TTN: variants seen among roughly 807,000 people sequenced by gnomAD.
The protein encoded by TTN is connectin.
A neutral mutation model predicts 3,223.0 loss-of-function variants in TTN; 1,525 were observed. That is an observed-to-expected ratio of 0.47 (90% CI 0.45 to 0.49). The LOEUF (loss-of-function observed/expected upper bound fraction) is 0.49. TTN is among the 20% of genes least tolerant of loss of function. TTN has a pLI of 0.00. For missense variants in TTN, 40,786 were observed against 43,424.0 expected, an observed-to-expected ratio of 0.94 and a Z score of 5.40; for synonymous variants, 14,094 against 15,161.0, an observed-to-expected ratio of 0.93 and a Z score of 5.17.
rs1057518195 is a variant in TTN, at chr2:178,535,790, G to A, written c.100825C>T (p.Arg33609Ter). ...ATCTTGATGCTGACCACTTCACCTC[G>A]GAGAGCATGAACTGCTCCCATGCCT... ...LEGMGAVHAL[R>*]GEVVSIKIPF... The change falls in exon 358 of 363, where the codon CGA becomes TGA. Residue 33609 changes from arginine (R) to a stop codon, truncating the protein, a stop_gained. Transcript: ENST00000589042. LOFTEE classifies it high-confidence loss of function. 3.1e-6 allele frequency: 5 copies of A among 1,612,156 alleles called. No individual in the cohort carries two copies. Among genetic ancestry groups the A allele is most frequent in the Non-Finnish European group, 4.2e-6 (5 of 1,179,496 alleles).
intron 44 of TTN, 41 bp from the exon 45 acceptor site, chr2:178,757,957 C>T (rs374897050): frequency 3.0e-5 from 45 of 1,505,062 alleles, no homozygotes; most frequent in Non-Finnish European, 3.5e-5. Context: ...TTACCTTGCA[C>T]TGAAACCAGA....
chr2:178,550,171 G>A lies in TTN; in HGVS notation c.91667C>T (p.Pro30556Leu). 1.2e-6 allele frequency: 2 copies of A among 1,613,752 alleles called. No homozygotes were observed. Among genetic ancestry groups the A allele is most frequent in the Non-Finnish European group, 1.7e-6 (2 of 1,179,766 alleles). Residue 30556 changes from proline (P) to leucine (L), a missense_variant, in exon 337 of 363, where the codon CCT (proline) becomes CTT (leucine). Transcript: ENST00000589042. ...IKALVQGRPV[P>L]RVTWFKDGVE... ...TCCATCTTTGAACCAAGTTACTCGA[G>A]GCACTGGTCTTCCTTGTACCAAAGC... is the stretch of plus-strand genomic sequence containing the variant.
At position 178,693,994 on chromosome 2, in the gene TTN, T is replaced by C. The variant is rs370208651; in HGVS notation, c.31441A>G (p.Thr10481Ala). The change falls in exon 118 of 363, where the codon ACA becomes GCA. Residue 10481 changes from threonine to alanine, a missense_variant. Coordinates refer to ENST00000589042, the MANE Select transcript of TTN (RefSeq NM_001267550.2). ...TCTTCTGAAATAACCATCTTCTTTG[T>C]ATGCACAGCTGGTACTTTAAAGAGA... ...VIEVKVPAVH[T>A]KKMVISEEKM... is the part of the protein sequence containing the mutation. 7.4e-5 allele frequency: 119 copies of C among 1,611,388 alleles called. No individual in the cohort carries two copies. The highest frequency in any genetic ancestry group is 7.1e-4 in the East Asian group (32 of 44,842).
rs774092000 is a variant in TTN, at chr2:178,565,686, C to T, written c.80446G>A (p.Val26816Ile). ...HDGGSRVLGY[V>I]VEMQPKGTEK... ...GTTCCTTTGGGCTGCATTTCAACAA[C>T]GTACCCCAGGACTCTGCTACCGCCA... The change falls in exon 326 of 363, where the codon GTT becomes ATT. Residue 26816 changes from valine to isoleucine, a missense_variant. By Grantham distance (29) the Val-to-Ile change is conservative. Coordinates refer to ENST00000589042, the MANE Select transcript of TTN (RefSeq NM_001267550.2). 23 of 1,613,496 alleles carry T rather than the reference C, an allele frequency of 1.4e-5. No individual in the cohort carries two copies. The highest frequency in any genetic ancestry group is 1.6e-4 in the Middle Eastern group (1 of 6,080).
chr2:178,794,108 T>C (rs1464363022), intron 8 of TTN, among the ~76,000 whole-genome samples: 1 of 152,236 alleles, frequency 6.6e-6, no homozygotes, highest in Non-Finnish European at 1.5e-5. Context: ...TCTGTTTCTC[T>C]GGCCACTCTT....
chr2:178,738,404 C>T, intron 48 of TTN, 44 bp from the exon 49 acceptor site: 1 of 1,545,872 alleles, frequency 6.5e-7, no homozygotes, highest in Non-Finnish European at 8.7e-7. Flanking sequence ...CCTTATCAGG[C>T]ATATGACATT....
chr2:178,675,483 C>T lies in TTN; in HGVS notation c.34537+188G>A, dbSNP rs185684848. On this transcript the variant is annotated intron_variant, in intron 149 of 362. Coordinates refer to ENST00000589042, the MANE Select transcript of TTN (RefSeq NM_001267550.2). ...TTTAGAAACAACATACATAGAGAAA[C>T]GATGTAAAGCACACCAACACCAAGT... 1.2e-4 allele frequency among the ~76,000 whole-genome samples: 18 copies of T among 151,310 alleles called. 1 individual carries two copies. In the Middle Eastern group the frequency reaches 0.01, roughly 86 times the overall value.
intron 20 of TTN, among the ~76,000 whole-genome samples, chr2:178,781,952 A>G (rs892770449): frequency 4.6e-5 from 7 of 151,824 alleles, no homozygotes; most frequent in African/African-American, 1.7e-4. Flanking sequence ...GTGAAAATCC[A>G]TATTTTCTCT....
In TTN at chr2:178,680,279, T is replaced by A; in HGVS notation, c.33393A>T (p.Arg11131Ser). 1 of 1,612,138 alleles carries A rather than the reference T, an allele frequency of 6.2e-7. No homozygotes were observed. Among genetic ancestry groups the A allele is most frequent in the Non-Finnish European group, 8.5e-7 (1 of 1,179,128 alleles). The change falls in exon 139 of 363, where the codon AGA (arginine) becomes AGT (serine). Residue 11131 changes from arginine to serine, a missense_variant. Arg to Ser is a moderately radical substitution (Grantham distance 110, BLOSUM62 -1). Coordinates refer to ENST00000589042, the MANE Select transcript of TTN (RefSeq NM_001267550.2). ...VVAEEKVPVP[R>S]KEVAPPVRVP... ...CTCTAACAGGTGGTGCTACTTCTTTTCTAGGGACAGGTACTTTTTCTTCTG... is the reference window on the plus strand; with the variant it reads ...CTCTAACAGGTGGTGCTACTTCTTTACTAGGGACAGGTACTTTTTCTTCTG...
At position 178,727,629 on chromosome 2, in the gene TTN, T is replaced by C. The variant is rs751222632; in HGVS notation, c.19949A>G (p.Asn6650Ser). 3.1e-6 allele frequency: 5 copies of C among 1,599,526 alleles called. No homozygotes were observed. The highest frequency in any genetic ancestry group is 1.3e-5 in the African/African-American group (1 of 74,204). The change falls in exon 68 of 363, where the codon AAT becomes AGT. Residue 6650 changes from asparagine (N) to serine (S), a missense_variant. Coordinates refer to ENST00000589042, the MANE Select transcript of TTN (RefSeq NM_001267550.2). Reference protein sequence around the residue: ...KTGQYTCHVTNDVGSDSCTTM... With the variant: ...KTGQYTCHVTSDVGSDSCTTM... The stretch of plus-strand genomic sequence containing the variant: ...AGTACAAGAGTCGCTACCAACATCA[T>C]TGGTAACATGGCAAGTATACTGTCC...
intron 96 of TTN, 119 bp from the exon 97 acceptor site, chr2:178,711,468 G>A: frequency 8.6e-7 from 1 of 1,157,956 alleles, no homozygotes; most frequent in African/African-American, 1.6e-5. Flanking sequence ...AATTATTAAT[G>A]TCTCTTGAAT....
Position 178,581,634 on chromosome 2 carries a change from G to A in TTN, c.66634C>T (p.Leu22212=). The part of the protein sequence containing the change: ...NWVRCNLPQN[L]QKTRFEVTGL... ...GTAACCTCAAAGCGGGTTTTCTGTA[G>A]ATTCTGTGGTAAGTTGCACCTCACC... Residue 22212 remains leucine, a synonymous_variant, in exon 316 of 363, where the codon CTA becomes TTA. Coordinates refer to ENST00000589042, the MANE Select transcript of TTN (RefSeq NM_001267550.2). 1 of 1,612,780 alleles carries A rather than the reference G, an allele frequency of 6.2e-7. No individual in the cohort carries two copies. Among genetic ancestry groups the A allele is most frequent in the Non-Finnish European group, 8.5e-7 (1 of 1,179,266 alleles).
intron 33 of TTN, among the ~76,000 whole-genome samples, chr2:178,772,022 T>C (rs1219552303): frequency 6.6e-6 from 1 of 152,166 alleles, no homozygotes; most frequent in Non-Finnish European, 1.5e-5. Context: ...GTTGCTTATG[T>C]ATCTGTCCTC....
rs34396080 is a variant in TTN at position 178,686,427 on chromosome 2, A to ATT, written c.32312-831_32312-830dup. 1.6e-3 allele frequency among the ~76,000 whole-genome samples: 241 copies of ATT among 151,530 alleles called. 3 individuals are homozygous for ATT. Among genetic ancestry groups the ATT allele is most frequent in the East Asian group, 7.6e-3 (39 of 5,120 alleles). On this transcript the variant is annotated intron_variant, in intron 127 of 362. Coordinates refer to ENST00000589042, the MANE Select transcript of TTN (RefSeq NM_001267550.2). ...GAGCCACCGCGCCCGGCCAGTTTTAATTTTTTTTAAGACAATGTCTTGCTT... is the reference window on the plus strand; with the variant it reads ...GAGCCACCGCGCCCGGCCAGTTTTAATTTTTTTTTTAAGACAATGTCTTGCTT...
chr2:178,622,543 A>G (rs947976609), intron 243 of TTN, 127 bp downstream of exon 243: 8 of 692,936 alleles, frequency 1.2e-5, no homozygotes, highest in East Asian at 2.8e-5. Flanking sequence ...TTATACTACA[A>G]TTATCTTTAA....
At chr2:178,604,566 G>T in intron 281 of TTN, 142 bp downstream of exon 281, 1 of 963,962 alleles carries the variant, frequency 1.0e-6, no homozygotes, top group Non-Finnish European at 1.5e-6. Flanking sequence ...TGTGTGTGGG[G>T]CTAAACACTA....
intron 43 of TTN, among the ~76,000 whole-genome samples, chr2:178,763,718 T>A (rs1297289301): frequency 6.6e-6 from 1 of 152,226 alleles, no homozygotes; most frequent in Non-Finnish European, 1.5e-5. Context: ...TTGACCACTA[T>A]AGGATATTGT....
rs2076876830 is a variant in TTN at position 178,712,924 on chromosome 2, G to C, written c.27101C>G (p.Thr9034Ser). 6.2e-7 allele frequency: 1 copy of C among 1,613,014 alleles called. No individual in the cohort carries two copies. Among genetic ancestry groups the C allele is most frequent in the African/African-American group, 1.3e-5 (1 of 74,920 alleles). Residue 9034 changes from threonine (T) to serine (S), a missense_variant, in exon 94 of 363, where the codon ACC becomes AGC. Coordinates refer to ENST00000589042, the MANE Select transcript of TTN (RefSeq NM_001267550.2). ...TACGATACTTGTGAAAGTTACATTG[G>C]TCCCAGTTAAAACATCCATGGGATC... is the stretch of plus-strand genomic sequence containing the variant. ...KPDPMDVLTG[T>S]NVTFTSIVKG...
At position 178,577,673 on chromosome 2, in the gene TTN, G is replaced by A. The variant is rs1194010406; in HGVS notation, c.68753C>T (p.Ala22918Val). ...EGGKYEFRIR[A>V]KNTAGAISAP... ...ACTGATAGCACCTGCTGTATTCTTT[G>A]CTCTAATTCTGAATTCATATTTTCC... is the stretch of plus-strand genomic sequence containing the variant. The change falls in exon 323 of 363, where the codon GCA becomes GTA. Residue 22918 changes from alanine (A) to valine (V), a missense_variant. Transcript: ENST00000589042. The A allele has an allele frequency of 3.7e-6, 6 of 1,613,074 alleles. No individual in the cohort carries two copies. Among genetic ancestry groups the A allele is most frequent in the Non-Finnish European group, 5.1e-6 (6 of 1,179,550 alleles).
Sources: gnomAD v4.1 joint callset for allele counts (sites outside exome capture counted in the v4.1 genomes callset) on GRCh38, gnomAD v4.1.1 for gene constraint, MANE v1.5 for transcripts, NCBI Gene and HGNC (gene_info 2026-07-23, HGNC 2026-07-21) for gene names.